DLEC1: variants seen among roughly 807,000 people sequenced by gnomAD.
DLEC1 encodes deleted in lung and esophageal cancer protein 1.
In DLEC1, 146 loss-of-function variants were observed where a neutral mutation model predicts 198.1. The observed-to-expected ratio is 0.74, with a 90% CI of 0.64 to 0.85. DLEC1 has a LOEUF of 0.85. Ranked by LOEUF, DLEC1 falls within the 40% of genes least tolerant of loss-of-function variation. The probability of loss-of-function intolerance (pLI) is 0.00; values close to 1 mark genes in which losing one functional copy is unlikely to be tolerated. For missense variants in DLEC1, 2,233 were observed against 2,220.0 expected (o/e 1.01, Z -0.12); for synonymous variants, 897 against 866.8 (o/e 1.03, Z -0.61).
intron 20 of DLEC1, among the ~76,000 whole-genome samples, 170 bp downstream of exon 20, chr3:38,107,907 A>G (rs1452113301): frequency 6.6e-6 from 1 of 152,234 alleles, no homozygotes; most frequent in Non-Finnish European, 1.5e-5. Context: ...AAGGAGCAGC[A>G]TATCTGGTCC....
Position 38,110,157 on chromosome 3 carries a change from C to A in DLEC1, c.3319C>A (p.Pro1107Thr). The A allele has an allele frequency of 1.9e-6, 3 of 1,614,212 alleles. No homozygotes were observed. The highest frequency in any genetic ancestry group is 2.5e-6 in the Non-Finnish European group (3 of 1,180,038). ...ELRLDFGSAV[P>T]LRTRVTRQLI... The stretch of plus-strand genomic sequence containing the variant: ...CCGCCTGGACTTTGGCTCAGCGGTG[C>A]CACTGAGGACCCGTGTGACTCGCCA... Residue 1107 changes from proline (P) to threonine (T), a missense_variant, in exon 23 of 37, where the codon CCA (proline) becomes ACA (threonine). Transcript: ENST00000308059.
In DLEC1 at chr3:38,121,613, C is replaced by T. The variant is rs770277077; in HGVS notation, c.4867-15C>T. The T allele has an allele frequency of 1.3e-5, 21 of 1,610,596 alleles. No homozygotes were observed. The highest frequency in any genetic ancestry group is 1.6e-5 in the Non-Finnish European group (19 of 1,178,890). ...AGCCCACCCAGAATGGACAAGGTTG[C>T]CTGGTCTCCCACAGGTGGTGCCCCT... On this transcript the variant is annotated splice_polypyrimidine_tract_variant and intron_variant, in intron 34 of 36. Coordinates refer to ENST00000308059, the MANE Select transcript of DLEC1 (RefSeq NM_007335.4).
intron 2 of DLEC1, among the ~76,000 whole-genome samples, chr3:38,054,898 T>C (rs560127884): frequency 6.6e-6 from 1 of 152,306 alleles, no homozygotes; most frequent in Admixed American, 6.5e-5. Context: ...AACCCAGCCT[T>C]TGACATCCTA....
At chr3:38,060,698 A>ATTT (rs11410521) in intron 3 of DLEC1, among the ~76,000 whole-genome samples, 4 of 147,402 alleles carry the variant, frequency 2.7e-5, no homozygotes, top group African/African-American at 9.9e-5. Flanking sequence ...GCCACTTAGT[A>ATTT]TTTTTTTTTT....
intron 10 of DLEC1, among the ~76,000 whole-genome samples, chr3:38,090,136 C>T (rs1307441440): frequency 6.6e-6 from 1 of 152,052 alleles, no homozygotes; most frequent in African/African-American, 2.4e-5. Flanking sequence ...TTTGAGTTTA[C>T]AGTGAACTGT....
chr3:38,122,477 G>A lies in DLEC1; in HGVS notation c.*65G>A, dbSNP rs1414300363. On this transcript the variant is annotated 3_prime_UTR_variant, in exon 37 of 37. Transcript: ENST00000308059. ...AAAAAACATTGCCCAGGGATTAGGAGCAGCTCTTCAGCACAAAGACACAGA... is the reference window on the plus strand; with the variant it reads ...AAAAAACATTGCCCAGGGATTAGGAACAGCTCTTCAGCACAAAGACACAGA... 6.2e-7 allele frequency: 1 copy of A among 1,613,614 alleles called. No individual in the cohort carries two copies. The highest frequency in any genetic ancestry group is 8.5e-7 in the Non-Finnish European group (1 of 1,179,950).
chr3:38,077,299 AG>A lies in DLEC1; in HGVS notation c.1174-6856del, dbSNP rs778831905. Among the ~76,000 whole-genome samples the A allele has an allele frequency of 5.3e-5, 8 of 152,224 alleles. No individual in the cohort carries two copies. The South Asian group carries it at 6.2e-4, about 12-fold the overall frequency. On this transcript the variant is annotated intron_variant, in intron 6 of 36. Coordinates refer to ENST00000308059, the MANE Select transcript of DLEC1 (RefSeq NM_007335.4). Reference sequence around the variant, plus strand: ...GGAGTATGACTAGACAGAAAATAGTAGGGATGACAAGTGTTTTTGGGGCACA... The same window carrying A: ...GGAGTATGACTAGACAGAAAATAGTAGGATGACAAGTGTTTTTGGGGCACA...
Position 38,122,704 on chromosome 3 carries a change from A to G in DLEC1, c.*292A>G. 7.2e-7 allele frequency: 1 copy of G among 1,387,430 alleles called. No individual in the cohort carries two copies. Among genetic ancestry groups the G allele is most frequent in the Non-Finnish European group, 9.4e-7 (1 of 1,063,914 alleles). The allele number at this position is 1,387,430 out of a possible 1,614,324, so 85.9% of individuals were successfully genotyped here. A position where few individuals can be genotyped will look rare whatever the true frequency, so the allele number is the denominator to read the frequency against. On this transcript the variant is annotated 3_prime_UTR_variant, in exon 37 of 37. Coordinates refer to ENST00000308059, the MANE Select transcript of DLEC1 (RefSeq NM_007335.4). ...AAAATTAGTCTTGGAAAAAAACCAC[A>G]GCCACTAAGATAAATTCATGCACTT...
chr3:38,109,697 T>C (rs1699761544), intron 22 of DLEC1, 135 bp downstream of exon 22: 4 of 1,420,120 alleles, frequency 2.8e-6, no homozygotes, highest in Non-Finnish European at 3.8e-6. Flanking sequence ...CACAGTGTTA[T>C]TGCGGCCACT....
chr3:38,096,761 C>G (rs751094652), intron 15 of DLEC1, 24 bp downstream of exon 15: 2 of 1,582,776 alleles, frequency 1.3e-6, no homozygotes, highest in Non-Finnish European at 1.7e-6. Context: ...TCTCCCCTGC[C>G]TAGGCTGGCC....
In DLEC1 at chr3:38,093,712, G is replaced by A; in HGVS notation, c.1864G>A (p.Glu622Lys). The A allele has an allele frequency of 2.5e-6, 4 of 1,614,234 alleles. No homozygotes were observed. The highest frequency in any genetic ancestry group is 3.4e-6 in the Non-Finnish European group (4 of 1,180,046). ...AACAGCCCAGCACTTCATACGATTT[G>A]AGCCTGAAAACCTTCGGTCCACGGC... ...DLTAQHFIRF[E>K]PENLRSTARK... The change falls in exon 12 of 37, where the codon GAG (glutamate) becomes AAG (lysine). Residue 622 changes from glutamate (E) to lysine (K), a missense_variant. Physicochemically the swap from Glu to Lys is moderately conservative, Grantham distance 56. Transcript: ENST00000308059.
At chr3:38,045,130 G>C (rs898433829) in intron 1 of DLEC1, among the ~76,000 whole-genome samples, 1 of 152,206 alleles carries the variant, frequency 6.6e-6, no homozygotes, top group Admixed American at 6.5e-5. Context: ...CATGGTCTCA[G>C]GTGACTCCTT....
intron 18 of DLEC1, among the ~76,000 whole-genome samples, chr3:38,098,587 A>G (rs1336399806): frequency 6.6e-6 from 1 of 152,040 alleles, no homozygotes; most frequent in Non-Finnish European, 1.5e-5. Flanking sequence ...GACCCTGGCC[A>G]TGTCTGGTGA....
intron 18 of DLEC1, among the ~76,000 whole-genome samples, chr3:38,099,671 A>G (rs1699204877): frequency 6.7e-6 from 1 of 149,008 alleles, no homozygotes. Flanking sequence ...GAAGAATGGA[A>G]TGTAAAGAGC....
intron 5 of DLEC1, among the ~76,000 whole-genome samples, chr3:38,063,446 AGAGT>A (rs1336795076): frequency 6.6e-6 from 1 of 152,180 alleles, no homozygotes; most frequent in African/African-American, 2.4e-5. Flanking sequence ...CCTAGGTGAC[AGAGT>A]GAGACCCTGT....
At chr3:38,093,447 C>A (rs1181554051) in intron 11 of DLEC1, among the ~76,000 whole-genome samples, 158 bp from the exon 12 acceptor site, 1 of 152,126 alleles carries the variant, frequency 6.6e-6, no homozygotes, top group Non-Finnish European at 1.5e-5. Context: ...AGAACATTAA[C>A]CTGTGGGCGG....
intron 33 of DLEC1, among the ~76,000 whole-genome samples, chr3:38,119,764 G>T (rs374937944): frequency 6.6e-5 from 10 of 152,172 alleles, no homozygotes; most frequent in Admixed American, 4.6e-4. Flanking sequence ...GAACTCCTGG[G>T]CTCAAGCGAT....
chr3:38,083,129 G>C (rs1166078222), intron 6 of DLEC1, among the ~76,000 whole-genome samples: 1 of 151,786 alleles, frequency 6.6e-6, no homozygotes, highest in Non-Finnish European at 1.5e-5. Context: ...AAATTGGTGA[G>C]ATGTTTCTTG....
chr3:38,097,418 G>T, intron 16 of DLEC1, 89 bp from the exon 17 acceptor site: 2 of 1,583,248 alleles, frequency 1.3e-6, no homozygotes, highest in Non-Finnish European at 1.7e-6. Flanking sequence ...GAGATGAGAA[G>T]TCTGTGCAAG....
Sources: allele counts gnomAD v4.1 joint callset (sites outside exome capture counted in the v4.1 genomes callset), GRCh38; gene constraint gnomAD v4.1.1; transcripts MANE v1.5; gene names NCBI Gene and HGNC (gene_info 2026-07-23, HGNC 2026-07-21).